The following HSCB variants were observed in gnomAD, a reference collection of about 807,000 sequenced individuals.
The protein encoded by HSCB is HscB mitochondrial iron-sulfur cluster cochaperone.
A neutral mutation model predicts 31.3 loss-of-function variants in HSCB; 23 were observed. That is an observed-to-expected ratio of 0.74 (90% CI 0.53 to 1.04). HSCB has a LOEUF of 1.04. HSCB is among the 50% of genes least tolerant of loss of function. The pLI is 0.00. For synonymous variants in HSCB, 110 were observed against 104.5 expected (o/e 1.05, Z -0.32); for missense variants, 297 against 288.1 (o/e 1.03, Z -0.22).
intron 4 of HSCB, 27 bp downstream of exon 4, chr22:28,746,035 A>C: frequency 1.4e-5 from 22 of 1,588,466 alleles, no homozygotes; most frequent in Non-Finnish European, 1.9e-5. Context: ...CACTGAATGT[A>C]TTTCATTGCT....
chr22:28,747,212 A>G (rs1392694029), intron 4 of HSCB, among the ~76,000 whole-genome samples: 1 of 152,190 alleles, frequency 6.6e-6, no homozygotes, highest in Non-Finnish European at 1.5e-5. Flanking sequence ...GCCCACCCAC[A>G]TTATATAGAG....
intron 5 of HSCB, among the ~76,000 whole-genome samples, chr22:28,755,363 T>C (rs1256665892): frequency 6.6e-6 from 1 of 151,810 alleles, no homozygotes; most frequent in Non-Finnish European, 1.5e-5. Context: ...TGAGCCAAGA[T>C]TGCGCCACTG....
chr22:28,749,096 G>C (rs974114644), intron 4 of HSCB, among the ~76,000 whole-genome samples: 1 of 151,324 alleles, frequency 6.6e-6, no homozygotes, highest in Non-Finnish European at 1.5e-5. Context: ...AACCGTGTTT[G>C]CACCATTGCA....
intron 4 of HSCB, among the ~76,000 whole-genome samples, chr22:28,746,768 G>A (rs560611410): frequency 2.0e-5 from 3 of 152,112 alleles, no homozygotes; most frequent in African/African-American, 7.2e-5. Context: ...GCATGGTGGT[G>A]CATGCCTGTA....
chr22:28,756,857 T>C (rs932965672), intron 5 of HSCB, among the ~76,000 whole-genome samples: 3 of 152,096 alleles, frequency 2.0e-5, no homozygotes, highest in Non-Finnish European at 4.4e-5. Flanking sequence ...TTTATGTGAA[T>C]CCTGTACACA....
At position 28,757,145 on chromosome 22, in the gene HSCB, C is replaced by A. The variant is rs757079729; in HGVS notation, c.684C>A (p.Ile228=). ...ACTTTTCAAATATAGAAGAAAAGAT[C>A]AAGTTAAAGAAGATTCCCCTTTAAT... ...MRYFSNIEEK[I]KLKKIPL The change falls in exon 6 of 6, where the codon ATC becomes ATA. Residue 228 remains isoleucine, a synonymous_variant. Transcript: ENST00000216027. 46 of 1,554,526 alleles carry A rather than the reference C, an allele frequency of 3.0e-5. No homozygotes were observed. The highest frequency in any genetic ancestry group is 3.9e-5 in the Non-Finnish European group (44 of 1,126,864).
intron 5 of HSCB, among the ~76,000 whole-genome samples, chr22:28,754,472 C>A (rs1236510215): frequency 6.6e-6 from 1 of 152,012 alleles, no homozygotes; most frequent in Admixed American, 6.6e-5. Context: ...GAATTTGAGA[C>A]CAGCCTGACC....
chr22:28,751,186 T>TCA (rs2146218763), intron 4 of HSCB, 55 bp from the exon 5 acceptor site: 1 of 1,059,436 alleles, frequency 9.4e-7, no homozygotes, highest in East Asian at 2.4e-5. Context: ...AGTATTGTCT[T>TCA]CATATTATGA....
intron 1 of HSCB, 53 bp from the exon 2 acceptor site, chr22:28,743,827 TAG>T (rs1221216089): frequency 1.4e-6 from 2 of 1,428,292 alleles, no homozygotes; most frequent in African/African-American, 2.8e-5. Context: ...AGGCTCATGG[TAG>T]ATAAACCTTT....
chr22:28,756,997 T>C (rs554348300), intron 5 of HSCB, 81 bp from the exon 6 acceptor site: 85 of 807,558 alleles, frequency 1.1e-4, no homozygotes, highest in Middle Eastern at 9.4e-4. Flanking sequence ...GCTCCACTTA[T>C]ATATCGCTGC....
intron 5 of HSCB, among the ~76,000 whole-genome samples, chr22:28,755,822 T>C (rs1422013931): frequency 6.6e-6 from 1 of 152,176 alleles, no homozygotes; most frequent in African/African-American, 2.4e-5. Context: ...TCCTGAGTAC[T>C]ATAAGATGAT....
rs892330031 is a variant in HSCB at position 28,751,126 on chromosome 22, T to C, written c.569-115T>C. 6 of 658,758 alleles carry C rather than the reference T, an allele frequency of 9.1e-6. No homozygotes were observed. The African/African-American group carries it at 1.1e-4, about 12-fold the overall frequency. 40.8% of individuals were successfully genotyped at this position (658,758 alleles called of 1,614,324 possible). A position where few individuals can be genotyped will look rare whatever the true frequency, so the allele number is the denominator to read the frequency against. On this transcript the variant is annotated intron_variant, in intron 4 of 5. Transcript: ENST00000216027. ...AAGGTTATGAAGCCTTACCCTTGAA[T>C]ACAAACTTCCTCCTTTGTTGTGTTC...
chr22:28,755,178 AGGC>A (rs2030526524), intron 5 of HSCB, among the ~76,000 whole-genome samples: 1 of 149,432 alleles, frequency 6.7e-6, no homozygotes, highest in South Asian at 2.2e-4. Flanking sequence ...TGGGAGGCCG[AGGC>A]GGGCGGATCA....
chr22:28,742,361 CG>C, intron 1 of HSCB, 30 bp downstream of exon 1: 3 of 1,605,338 alleles, frequency 1.9e-6, no homozygotes, highest in Non-Finnish European at 2.6e-6. Flanking sequence ...GAAACGGGCC[CG>C]GGCGAGAGAC....
At chr22:28,746,360 G>C (rs889010604) in intron 4 of HSCB, among the ~76,000 whole-genome samples, 1 of 129,556 alleles carries the variant, frequency 7.7e-6, no homozygotes, top group Admixed American at 9.2e-5. Context: ...CAGCCTGGGC[G>C]ACAGAGCGAG....
chr22:28,752,097 A>C (rs1402763091), intron 5 of HSCB, among the ~76,000 whole-genome samples: 1 of 151,146 alleles, frequency 6.6e-6, no homozygotes, highest in Non-Finnish European at 1.5e-5. Context: ...TCTCAAAACA[A>C]ACAAAAAAAA....
At chr22:28,747,012 T>G (rs1013603182) in intron 4 of HSCB, among the ~76,000 whole-genome samples, 4 of 151,744 alleles carry the variant, frequency 2.6e-5, no homozygotes, top group African/African-American at 9.7e-5. Context: ...TGCAGTGAGC[T>G]GAGATCACAC....
At chr22:28,752,972 C>T (rs1428155583) in intron 5 of HSCB, among the ~76,000 whole-genome samples, 1 of 139,770 alleles carries the variant, frequency 7.2e-6, no homozygotes, top group Non-Finnish European at 1.6e-5. Flanking sequence ...CCAGCTACTC[C>T]GAAGGCTGAG....
intron 4 of HSCB, among the ~76,000 whole-genome samples, chr22:28,746,479 A>G (rs143794593): frequency 0.02 from 3,044 of 151,520 alleles, 105 homozygotes; most frequent in African/African-American, 0.07. Context: ...AGGGCTGGGC[A>G]CAGTGGCTCA....
Sources: allele counts gnomAD v4.1 joint callset (sites outside exome capture counted in the v4.1 genomes callset), GRCh38; gene constraint gnomAD v4.1.1; transcripts MANE v1.5; gene names NCBI Gene and HGNC (gene_info 2026-07-23, HGNC 2026-07-21).